The following NFATC2 variants were observed in gnomAD, a reference collection of about 807,000 sequenced individuals.
The protein encoded by NFATC2 is nuclear factor of activated T-cells, cytoplasmic 2.
A neutral mutation model predicts 87.3 loss-of-function variants in NFATC2; 22 were observed. The ratio of observed to expected loss-of-function variants is 0.25; its 90% CI spans 0.18 to 0.36. NFATC2 has a LOEUF of 0.36. Ranked by LOEUF, NFATC2 falls within the 10% of genes least tolerant of loss-of-function variation. The pLI, the probability that NFATC2 is intolerant of heterozygous loss-of-function variation, is 1.00. For missense variants in NFATC2, 1,149 were observed against 1,259.1 expected (o/e 0.91, Z 1.32); for synonymous variants, 565 against 542.2 (o/e 1.04, Z -0.58).
In NFATC2 at chr20:51,561,447, G is replaced by GAA. The variant is rs1392471977; in HGVS notation, c.70+1111_70+1112dup. Among the ~76,000 whole-genome samples the GAA allele has an allele frequency of 3.1e-3, 310 of 98,736 alleles. 2 individuals are homozygous for GAA. The highest frequency in any genetic ancestry group is 0.011 in the African/African-American group (288 of 25,918). The allele number at this position is 98,736 out of a possible 152,430, so 64.8% of individuals were successfully genotyped here. ...GAGAGAAAGAAAAGAAAGAAAGAAAGAAAGAAAGAAAGAAAGAAAGAAAGA... is the reference window on the plus strand; with the variant it reads ...GAGAGAAAGAAAAGAAAGAAAGAAAGAAAAAGAAAGAAAGAAAGAAAGAAAGA... On this transcript the variant is annotated intron_variant, in intron 1 of 10. Coordinates refer to the NFATC2 transcript ENST00000414705.
At chr20:51,520,901 C>T (rs1300639158) in intron 2 of NFATC2, among the ~76,000 whole-genome samples, 2 of 151,958 alleles carry the variant, frequency 1.3e-5, no homozygotes, top group African/African-American at 2.4e-5. Context: ...TCAGGTGATC[C>T]GCCCGCCTCT....
intron 9 of NFATC2, among the ~76,000 whole-genome samples, chr20:51,413,978 C>T (rs1979661622): frequency 6.6e-6 from 1 of 152,150 alleles, no homozygotes; most frequent in African/African-American, 2.4e-5. Context: ...TAAGCATGAG[C>T]TGCTATTATC....
Position 51,520,887 on chromosome 20 carries a change from G to C in NFATC2, c.1160+2194C>G, listed in dbSNP as rs191252052. Among the ~76,000 whole-genome samples, 81 of 151,934 alleles carry C rather than the reference G, an allele frequency of 5.3e-4. 1 individual carries two copies. Among genetic ancestry groups the C allele is most frequent in the Admixed American group, 3.3e-4 (5 of 15,276 alleles). ...GTCGGTCAGGCTGGTCTCAAACTCC[G>C]ACCTCAGGTGATCCGCCCGCCTCTG... On this transcript the variant is annotated intron_variant, in intron 2 of 10. Coordinates refer to ENST00000371564, the MANE Select transcript of NFATC2 (RefSeq NM_012340.5).
chr20:51,401,233 G>A (rs1988002905), intron 9 of NFATC2, among the ~76,000 whole-genome samples: 1 of 152,146 alleles, frequency 6.6e-6, no homozygotes, highest in Non-Finnish European at 1.5e-5. Flanking sequence ...AGCTGGGTGT[G>A]ACGGCAGGTG....
At chr20:51,540,494 T>C (rs1206159193) in intron 1 of NFATC2, among the ~76,000 whole-genome samples, 1 of 152,160 alleles carries the variant, frequency 6.6e-6, no homozygotes, top group Non-Finnish European at 1.5e-5. Context: ...CCTCAGTTAA[T>C]AATGTGTCAA....
intron 1 of NFATC2, among the ~76,000 whole-genome samples, chr20:51,561,495 GC>G (rs2077031534): frequency 9.0e-6 from 1 of 110,968 alleles, no homozygotes; most frequent in East Asian, 2.5e-4. Context: ...AAGCAAGCAA[GC>G]AAGCAAGCAA....
At chr20:51,406,792 C>T (rs1037381757) in intron 9 of NFATC2, among the ~76,000 whole-genome samples, 33 of 152,278 alleles carry the variant, frequency 2.2e-4, no homozygotes, top group South Asian at 6.2e-4. Flanking sequence ...TCCATAGCGG[C>T]GCCTGTCTGA....
chr20:51,436,580 T>C (rs1983609902), intron 6 of NFATC2, among the ~76,000 whole-genome samples: 1 of 151,940 alleles, frequency 6.6e-6, no homozygotes, highest in East Asian at 1.9e-4. Flanking sequence ...CCAGGTGTGG[T>C]TGCAGGTGCC....
intron 3 of NFATC2, among the ~76,000 whole-genome samples, chr20:51,482,700 G>T (rs1029211065): frequency 1.3e-5 from 2 of 152,118 alleles, no homozygotes; most frequent in Non-Finnish European, 2.9e-5. Context: ...TAGCACTTTT[G>T]AAATATAGAC....
intron 3 of NFATC2, among the ~76,000 whole-genome samples, chr20:51,498,378 GGATGAAGCAAC>G (rs1280111784): frequency 1.3e-5 from 2 of 152,200 alleles, no homozygotes; most frequent in African/African-American, 4.8e-5. Context: ...TTGGGACTGG[GGATGAAGCAAC>G]GATGAAGGAG....
intron 6 of NFATC2, among the ~76,000 whole-genome samples, chr20:51,442,575 T>C (rs1017743519): frequency 2.0e-5 from 3 of 152,258 alleles, no homozygotes; most frequent in Admixed American, 6.5e-5. Flanking sequence ...GCTACTCATA[T>C]GGTTGTACCT....
intron 1 of NFATC2, among the ~76,000 whole-genome samples, chr20:51,535,663 C>T (rs139772302): frequency 8.1e-4 from 124 of 152,292 alleles, no homozygotes; most frequent in African/African-American, 2.5e-3. Context: ...AGACCTGCAG[C>T]GCACCTTCTT....
chr20:51,398,570 TAA>T (rs11086333), intron 10 of NFATC2, 71 bp downstream of exon 10: 234,575 of 823,192 alleles, frequency 0.28, 18,155 homozygotes, highest in East Asian at 0.35. Flanking sequence ...ATACTTTACT[TAA>T]AAAAAAAAAA....
intron 1 of NFATC2, among the ~76,000 whole-genome samples, chr20:51,528,504 A>ACG (rs2076582797): frequency 3.3e-5 from 5 of 152,148 alleles, no homozygotes; most frequent in African/African-American, 1.2e-4. Context: ...ACAGATGTAC[A>ACG]CACACATATG....
Position 51,533,090 on chromosome 20 carries a change from C to A in NFATC2, c.131-8980G>T, listed in dbSNP as rs556866575. Reference sequence around the variant, plus strand: ...CAAGGCAGCACTTAGGATGCCACAGCTGGCACCGCAGATCTGTAGCCGGAG... The same window carrying A: ...CAAGGCAGCACTTAGGATGCCACAGATGGCACCGCAGATCTGTAGCCGGAG... On this transcript the variant is annotated intron_variant, in intron 1 of 10. Coordinates refer to ENST00000371564, the MANE Select transcript of NFATC2 (RefSeq NM_012340.5). Among the ~76,000 whole-genome samples the A allele has an allele frequency of 2.7e-4, 41 of 152,332 alleles. No individual in the cohort carries two copies. The East Asian group carries it at 7.5e-3, about 28-fold the overall frequency.
At chr20:51,397,029 C>T (rs1987258649) in intron 10 of NFATC2, among the ~76,000 whole-genome samples, 1 of 42,902 alleles carries the variant, frequency 2.3e-5, no homozygotes, top group Non-Finnish European at 3.9e-5. Flanking sequence ...CCTCAACCTC[C>T]TAAGGGAACC....
At chr20:51,400,496 A>G (rs1987907269) in intron 9 of NFATC2, among the ~76,000 whole-genome samples, 1 of 152,124 alleles carries the variant, frequency 6.6e-6, no homozygotes, top group Non-Finnish European at 1.5e-5. Flanking sequence ...GCGCTATCTC[A>G]GGGGACTCGA....
chr20:51,467,669 G>A (rs1168348851), intron 5 of NFATC2, among the ~76,000 whole-genome samples: 2 of 152,240 alleles, frequency 1.3e-5, no homozygotes, highest in African/African-American at 4.8e-5. Flanking sequence ...ACTCTCATTA[G>A]AAGGGTTAAA....
chr20:51,396,095 A>ATATATATAT (rs1987093276), intron 10 of NFATC2, among the ~76,000 whole-genome samples: 1 of 115,564 alleles, frequency 8.7e-6, no homozygotes, highest in Non-Finnish European at 1.9e-5. Flanking sequence ...TATATATATA[A>ATATATATAT]GCTAATGGCA....
Sources: gnomAD v4.1 joint callset for allele counts (sites outside exome capture counted in the v4.1 genomes callset) on GRCh38, gnomAD v4.1.1 for gene constraint, MANE v1.5 for transcripts, NCBI Gene and HGNC (gene_info 2026-07-23, HGNC 2026-07-21) for gene names.